DGKB: variants seen among roughly 807,000 people sequenced by gnomAD.
DGKB encodes the protein diacylglycerol kinase beta, also known as 90 kDa diacylglycerol kinase.
DGKB carries 67 observed loss-of-function variants against 114.3 expected under a neutral mutation model. The observed-to-expected ratio is 0.59, with a 90% CI of 0.48 to 0.72. The LOEUF (loss-of-function observed/expected upper bound fraction) is 0.72. Ranked by LOEUF, DGKB falls within the 30% of genes least tolerant of loss-of-function variation. The pLI is 0.00. For synonymous variants in DGKB, 398 were observed against 323.1 expected, an observed-to-expected ratio of 1.23 and a Z score of -2.49; for missense variants, 907 against 975.2, an observed-to-expected ratio of 0.93 and a Z score of 0.93.
intron 21 of DGKB, among the ~76,000 whole-genome samples, chr7:14,471,238 T>C (rs1289799141): frequency 1.8e-5 from 1 of 56,866 alleles, no homozygotes; most frequent in Non-Finnish European, 3.3e-5. Flanking sequence ...ATGGAATATA[T>C]GTATACATAC....
At chr7:14,647,754 T>A (rs1046863926) in intron 13 of DGKB, among the ~76,000 whole-genome samples, 1 of 152,006 alleles carries the variant, frequency 6.6e-6, no homozygotes, top group Non-Finnish European at 1.5e-5. Context: ...CACTAGGGAG[T>A]GCCAGACAGT....
chr7:14,959,766 A>T (rs36905), intron 1 of DGKB, among the ~76,000 whole-genome samples: 18,121 of 134,896 alleles, frequency 0.13, 1,440 homozygotes, highest in Non-Finnish European at 0.19. Context: ...CACTGAGATT[A>T]AAAAAAAAAA....
At chr7:14,254,450 G>GAATA (rs1795674745) in intron 23 of DGKB, among the ~76,000 whole-genome samples, 1 of 152,106 alleles carries the variant, frequency 6.6e-6, no homozygotes, top group African/African-American at 2.4e-5. Context: ...ATGGACCACA[G>GAATA]AATATAGAAT....
intron 23 of DGKB, among the ~76,000 whole-genome samples, chr7:14,316,655 C>A: frequency 1.5e-5 from 2 of 137,526 alleles, no homozygotes; most frequent in South Asian, 2.5e-4. Flanking sequence ...GCTTACCAAC[C>A]AAAAAGAGTC....
chr7:14,966,923 A>C (rs1254130260), intron 1 of DGKB, among the ~76,000 whole-genome samples: 1 of 152,148 alleles, frequency 6.6e-6, no homozygotes, highest in Non-Finnish European at 1.5e-5. Flanking sequence ...TTAATATCTA[A>C]AGCTCTTTCA....
At chr7:14,912,121 G>A (rs1322778193) in intron 1 of DGKB, among the ~76,000 whole-genome samples, 1 of 152,084 alleles carries the variant, frequency 6.6e-6, no homozygotes. Flanking sequence ...TTGTTTCCAA[G>A]GCCAAGTGGA....
chr7:14,829,877 G>A (rs1260723065), intron 2 of DGKB, among the ~76,000 whole-genome samples: 2 of 152,066 alleles, frequency 1.3e-5, no homozygotes, highest in African/African-American at 4.8e-5. Context: ...TACAGTTATT[G>A]CTACTTCGGA....
chr7:14,855,159 T>A (rs982707499), intron 1 of DGKB, among the ~76,000 whole-genome samples: 1 of 152,128 alleles, frequency 6.6e-6, no homozygotes, highest in Non-Finnish European at 1.5e-5. Context: ...CAAAAAAAGA[T>A]TGGTGAACAG....
At chr7:14,570,484 T>C (rs1215665505) in intron 20 of DGKB, among the ~76,000 whole-genome samples, 1 of 152,092 alleles carries the variant, frequency 6.6e-6, no homozygotes, top group East Asian at 1.9e-4. Context: ...ACCCAGAAAC[T>C]TAACAACTAA....
At chr7:14,970,281 G>C (rs1787382989) in intron 1 of DGKB, among the ~76,000 whole-genome samples, 1 of 152,050 alleles carries the variant, frequency 6.6e-6, no homozygotes, top group Non-Finnish European at 1.5e-5. Context: ...GGAGAATTCA[G>C]CATTGAACAA....
chr7:14,869,030 G>A (rs1263795679), intron 1 of DGKB, among the ~76,000 whole-genome samples: 2 of 152,166 alleles, frequency 1.3e-5, no homozygotes, highest in African/African-American at 4.8e-5. Flanking sequence ...CAAATTCTAA[G>A]GACAGTCCTT....
At chr7:14,737,734 A>C (rs190849191) in intron 4 of DGKB, among the ~76,000 whole-genome samples, 46 of 152,134 alleles carry the variant, frequency 3.0e-4, no homozygotes, top group South Asian at 1.7e-3. Flanking sequence ...TCAGATATTT[A>C]TTTTGCTGGC....
intron 25 of DGKB, among the ~76,000 whole-genome samples, chr7:14,166,222 A>C (rs1784588356): frequency 6.6e-6 from 1 of 152,192 alleles, no homozygotes; most frequent in Admixed American, 6.5e-5. Flanking sequence ...CTAAAACCTT[A>C]ATCTTATAAG....
chr7:14,551,208 ATTTGGGTGGT>A (rs1795053582), intron 20 of DGKB, among the ~76,000 whole-genome samples: 2 of 152,224 alleles, frequency 1.3e-5, no homozygotes, highest in African/African-American at 4.8e-5. Context: ...TTGATAGGAC[ATTTGGGTGGT>A]AATATATATG....
At chr7:14,489,622 C>T (rs1203304380) in intron 20 of DGKB, among the ~76,000 whole-genome samples, 2 of 152,120 alleles carry the variant, frequency 1.3e-5, no homozygotes, top group African/African-American at 4.8e-5. Context: ...CAGCATAATA[C>T]TTAATTTTGC....
At chr7:14,843,224 A>G (rs1359040338) in intron 1 of DGKB, among the ~76,000 whole-genome samples, 7 of 152,028 alleles carry the variant, frequency 4.6e-5, no homozygotes, top group Non-Finnish European at 1.0e-4. Flanking sequence ...CTTAAAAAAA[A>G]AAAAAAGGAT....
At chr7:14,429,166 G>A (rs1291447657) in intron 21 of DGKB, among the ~76,000 whole-genome samples, 1 of 152,094 alleles carries the variant, frequency 6.6e-6, no homozygotes. Flanking sequence ...TAGACTGAAT[G>A]TTTGAGTCCC....
chr7:14,209,379 T>G, intron 23 of DGKB: 1 of 463,616 alleles, frequency 2.2e-6, no homozygotes, highest in South Asian at 1.6e-5. Flanking sequence ...CAGACACTGC[T>G]TGCAACTATA....
At chr7:14,834,231 T>A (rs1846831210) in intron 2 of DGKB, among the ~76,000 whole-genome samples, 1 of 152,150 alleles carries the variant, frequency 6.6e-6, no homozygotes, top group South Asian at 2.1e-4. Flanking sequence ...ATAAGAGCTA[T>A]CATTTTATAG....
Sources: allele counts gnomAD v4.1 joint callset (sites outside exome capture counted in the v4.1 genomes callset), GRCh38; gene constraint gnomAD v4.1.1; transcripts MANE v1.5; gene names NCBI Gene and HGNC (gene_info 2026-07-23, HGNC 2026-07-21).